GNA14: variants seen among roughly 807,000 people sequenced by gnomAD.
GNA14 encodes the protein guanine nucleotide-binding protein subunit alpha-14.
Under a neutral mutation model 42.0 loss-of-function variants are expected in GNA14, and 50 were observed. The ratio of observed to expected loss-of-function variants is 1.19; its 90% CI spans 0.95 to 1.51. GNA14 has a LOEUF of 1.51. GNA14 is among the 40% of genes most tolerant of loss of function. GNA14 has a pLI of 0.00. For synonymous variants in GNA14, 173 were observed against 163.1 expected, an observed-to-expected ratio of 1.06 and a Z score of -0.46; for missense variants, 473 against 446.2, an observed-to-expected ratio of 1.06 and a Z score of -0.54.
intron 2 of GNA14, among the ~76,000 whole-genome samples, chr9:77,525,953 G>A (rs1285575599): frequency 6.7e-6 from 1 of 150,210 alleles, no homozygotes; most frequent in African/African-American, 2.4e-5. Flanking sequence ...CCTGGCTGGA[G>A]TGCAGAGGCA....
intron 5 of GNA14, among the ~76,000 whole-genome samples, chr9:77,426,316 CCTTT>C (rs985332376): frequency 3.4e-4 from 49 of 143,844 alleles, no homozygotes; most frequent in African/African-American, 1.2e-3. Flanking sequence ...TTTTTTTTTT[CCTTT>C]CTGAGATGGA....
At chr9:77,525,340 T>C (rs562957332) in intron 2 of GNA14, among the ~76,000 whole-genome samples, 53 of 152,256 alleles carry the variant, frequency 3.5e-4, no homozygotes, top group African/African-American at 1.1e-3. Context: ...CAGGGTTCTT[T>C]CCATTCGACC....
At chr9:77,478,426 G>A (rs544125381) in intron 2 of GNA14, among the ~76,000 whole-genome samples, 20 of 151,950 alleles carry the variant, frequency 1.3e-4, no homozygotes, top group East Asian at 1.9e-4. Context: ...CCAGTCTATC[G>A]TTGTTGGACA....
At chr9:77,466,896 C>T (rs55978523) in intron 2 of GNA14, among the ~76,000 whole-genome samples, 2,145 of 152,132 alleles carry the variant, frequency 0.014, 49 homozygotes, top group African/African-American at 0.049. Context: ...TTCTCCCCTT[C>T]ACTTCCTAGA....
intron 2 of GNA14, among the ~76,000 whole-genome samples, chr9:77,442,631 CA>C (rs1387196589): frequency 1.3e-5 from 2 of 152,160 alleles, no homozygotes; most frequent in African/African-American, 4.8e-5. Flanking sequence ...GTTAGGATTC[CA>C]TAGGGCAGCC....
chr9:77,544,876 A>C (rs1206645951), intron 1 of GNA14, among the ~76,000 whole-genome samples: 1 of 152,142 alleles, frequency 6.6e-6, no homozygotes, highest in Non-Finnish European at 1.5e-5. Context: ...AGAAATCACA[A>C]CACCAGGGCC....
chr9:77,545,004 T>C (rs1837703968), intron 1 of GNA14, among the ~76,000 whole-genome samples: 1 of 152,072 alleles, frequency 6.6e-6, no homozygotes, highest in Admixed American at 6.5e-5. Flanking sequence ...ATTATGATTG[T>C]CCAAAAGTTT....
intron 1 of GNA14, among the ~76,000 whole-genome samples, chr9:77,609,903 G>T (rs1823703520): frequency 6.6e-6 from 1 of 152,150 alleles, no homozygotes; most frequent in African/African-American, 2.4e-5. Flanking sequence ...ATCTGACCAA[G>T]GGAAGATTTT....
At chr9:77,530,847 G>C (rs1483263691) in intron 1 of GNA14, among the ~76,000 whole-genome samples, 1 of 152,222 alleles carries the variant, frequency 6.6e-6, no homozygotes, top group Non-Finnish European at 1.5e-5. Context: ...TCCAGAGACA[G>C]GATAGGTAGA....
chr9:77,554,218 T>A (rs1231782404), intron 1 of GNA14, among the ~76,000 whole-genome samples: 1 of 152,184 alleles, frequency 6.6e-6, no homozygotes, highest in African/African-American at 2.4e-5. Context: ...TCTGTTACTT[T>A]CAGGTGAAGA....
chr9:77,428,934 G>T lies in GNA14; in HGVS notation c.696C>A (p.Asp232Glu), dbSNP rs932735774. The change falls in exon 5 of 7, where the codon GAC (aspartate) becomes GAA (glutamate). Residue 232 changes from aspartate (D) to glutamate (E), a missense_variant. Transcript: ENST00000341700. ...IIFLVALSEYDQVLAECDNEN... is the reference protein window; with the variant it reads ...IIFLVALSEYEQVLAECDNEN... ...CGTTGTCACACTCAGCCAGGACCTG[G>T]TCATATTCACTCAGAGCAACCAAGA... The T allele has an allele frequency of 6.2e-7, 1 of 1,613,946 alleles. No individual in the cohort carries two copies. The highest frequency in any genetic ancestry group is 1.3e-5 in the African/African-American group (1 of 75,020).
chr9:77,603,972 A>C (rs200885341), intron 1 of GNA14, among the ~76,000 whole-genome samples: 3,304 of 148,600 alleles, frequency 0.022, 51 homozygotes, highest in East Asian at 0.088. Context: ...AAAAAAAAAA[A>C]AAAAAAAAAC....
intron 2 of GNA14, among the ~76,000 whole-genome samples, chr9:77,514,929 G>T (rs2131753516): frequency 6.6e-6 from 1 of 152,184 alleles, no homozygotes. Flanking sequence ...TCTTATTTAA[G>T]ACAAATAAAT....
chr9:77,612,596 T>C (rs559659674), intron 1 of GNA14, among the ~76,000 whole-genome samples: 170 of 151,412 alleles, frequency 1.1e-3, no homozygotes, highest in Non-Finnish European at 1.8e-3. Flanking sequence ...ATATCACTAA[T>C]CATCAAAAGA....
chr9:77,452,642 GTT>G (rs1835932671), intron 2 of GNA14, among the ~76,000 whole-genome samples: 3 of 1,012 alleles, frequency 3.0e-3, no homozygotes, highest in East Asian at 0.025. Flanking sequence ...CGGTGTGTGT[GTT>G]TGTGTTTGTG....
rs776205668 is a variant in GNA14 at position 77,434,383 on chromosome 9, G to A, written c.449C>T (p.Ser150Leu). The change falls in exon 3 of 7, where the codon TCG (serine) becomes TTG (leucine). Residue 150 changes from serine (S) to leucine (L), a missense_variant. Coordinates refer to ENST00000341700, the MANE Select transcript of GNA14 (RefSeq NM_004297.4). ...CTGTACTCACTATTTGGCAGAGTCC[G>A]ACAGCTGGTACTCCCTCCTCCTGTC... ...CYDRRREYQL[S>L]DSAKYYLTDI... 16 of 1,613,914 alleles carry A rather than the reference G, an allele frequency of 9.9e-6. No homozygotes were observed. The highest frequency in any genetic ancestry group is 3.3e-5 in the South Asian group (3 of 91,040).
At position 77,648,133 on chromosome 9, in the gene GNA14, A is replaced by C; in HGVS notation, c.-340T>G. On this transcript the variant is annotated 5_prime_UTR_variant, in exon 1 of 7. Coordinates refer to ENST00000341700, the MANE Select transcript of GNA14 (RefSeq NM_004297.4). ...AGATGCGCGCGCCCCTTGGCACAGGAGCCGGACAGCAGTCGGGGGCGCAGA... is the reference window on the plus strand; with the variant it reads ...AGATGCGCGCGCCCCTTGGCACAGGCGCCGGACAGCAGTCGGGGGCGCAGA... 2.9e-6 allele frequency: 1 copy of C among 350,584 alleles called. No individual in the cohort carries two copies. The highest frequency in any genetic ancestry group is 3.1e-5 in the South Asian group (1 of 32,762). 21.7% of individuals were successfully genotyped at this position (350,584 alleles called of 1,614,324 possible).
intron 1 of GNA14, among the ~76,000 whole-genome samples, chr9:77,624,745 A>G (rs1823987922): frequency 6.6e-6 from 1 of 152,158 alleles, no homozygotes; most frequent in African/African-American, 2.4e-5. Flanking sequence ...AACCCCATCC[A>G]AAGGTCACCA....
intron 1 of GNA14, among the ~76,000 whole-genome samples, chr9:77,599,180 T>A (rs1006938586): frequency 2.6e-5 from 4 of 152,220 alleles, no homozygotes; most frequent in Non-Finnish European, 4.4e-5. Context: ...ATGAGATTGT[T>A]ACCAGATGTA....
Sources: allele counts gnomAD v4.1 joint callset (sites outside exome capture counted in the v4.1 genomes callset), GRCh38; gene constraint gnomAD v4.1.1; transcripts MANE v1.5; gene names NCBI Gene and HGNC (gene_info 2026-07-23, HGNC 2026-07-21).